POMZP3: variants seen among roughly 807,000 people sequenced by gnomAD.
POMZP3 encodes POM121 and ZP3 fusion protein.
A neutral mutation model predicts 19.8 loss-of-function variants in POMZP3; 10 were observed. The ratio of observed to expected loss-of-function variants is 0.51; its 90% CI spans 0.31 to 0.86. POMZP3 has a LOEUF of 0.86. Ranked by LOEUF, POMZP3 falls within the 40% of genes least tolerant of loss-of-function variation. The probability of loss-of-function intolerance (pLI) is 0.04; values close to 1 mark genes in which losing one functional copy is unlikely to be tolerated. For missense variants in POMZP3, 152 were observed against 228.1 expected (o/e 0.67, Z 2.15); for synonymous variants, 57 against 85.8 (o/e 0.66, Z 1.85).
intron 3 of POMZP3, 110 bp downstream of exon 3, chr7:76,625,412 T>G (rs1815821891): frequency 6.4e-7 from 1 of 1,560,586 alleles, no homozygotes; most frequent in Admixed American, 1.8e-5. Context: ...AGGAGGCCTA[T>G]GAAGGCTCAC....
chr7:76,625,350 AATGAT>A (rs1373942255), intron 3 of POMZP3, among the ~76,000 whole-genome samples, 167 bp downstream of exon 3: 34 of 151,826 alleles, frequency 2.2e-4, no homozygotes, highest in African/African-American at 6.8e-4. Context: ...TGTGCCTTGA[AATGAT>A]CAGCATTAAA....
chr7:76,622,713 T>C (rs1396441823), intron 3 of POMZP3, among the ~76,000 whole-genome samples: 2 of 151,748 alleles, frequency 1.3e-5, no homozygotes, highest in African/African-American at 4.8e-5. Context: ...TCTCACTCTG[T>C]TGTCCAGGCT....
At chr7:76,610,321 T>C in intron 6 of POMZP3, 106 bp from the exon 7 acceptor site, 1 of 1,131,812 alleles carries the variant, frequency 8.8e-7, no homozygotes, top group South Asian at 1.3e-5. Flanking sequence ...GTTGTCTTTT[T>C]TGTGTGGGCT....
intron 6 of POMZP3, among the ~76,000 whole-genome samples, chr7:76,611,139 G>T (rs1431811073): frequency 6.8e-6 from 1 of 146,918 alleles, no homozygotes; most frequent in East Asian, 2.0e-4. Flanking sequence ...CTCCCAAAGT[G>T]TTGGGATTAC....
chr7:76,623,933 T>C (rs1341506852), intron 3 of POMZP3, among the ~76,000 whole-genome samples: 1 of 148,462 alleles, frequency 6.7e-6, no homozygotes, highest in African/African-American at 2.5e-5. Flanking sequence ...TAAAGATTGT[T>C]TCAAAATATG....
At chr7:76,624,438 A>G (rs997383224) in intron 3 of POMZP3, among the ~76,000 whole-genome samples, 3 of 132,660 alleles carry the variant, frequency 2.3e-5, no homozygotes, top group Non-Finnish European at 4.8e-5. Flanking sequence ...GTTATTTTAC[A>G]AACCACATAA....
chr7:76,627,257 G>A lies in POMZP3; in HGVS notation c.-701C>T. 1.6e-5 allele frequency: 22 copies of A among 1,360,784 alleles called. 4 individuals are homozygous for A. The Admixed American group carries it at 4.9e-4, about 30-fold the overall frequency. 84.3% of individuals were successfully genotyped at this position (1,360,784 alleles called of 1,614,324 possible). ...CGCCGCAGCCGCCGGAGACATCGCGGCTCCGCGCCGCGGAGGAGACTTAAA... is the reference window on the plus strand; with the variant it reads ...CGCCGCAGCCGCCGGAGACATCGCGACTCCGCGCCGCGGAGGAGACTTAAA... On this transcript the variant is annotated 5_prime_UTR_variant, in exon 1 of 7. Transcript: ENST00000310842.
chr7:76,625,947 A>G, intron 2 of POMZP3, 53 bp downstream of exon 2: 1 of 1,606,308 alleles, frequency 6.2e-7, no homozygotes, highest in Non-Finnish European at 8.5e-7. Flanking sequence ...ACAACTGGAG[A>G]AGAATAAAGT....
At chr7:76,616,345 T>G (rs369621104) in intron 4 of POMZP3, among the ~76,000 whole-genome samples, 1 of 102,418 alleles carries the variant, frequency 9.8e-6, no homozygotes, top group African/African-American at 3.9e-5. Context: ...GTTCATAGAG[T>G]TTTACAGCAA....
At chr7:76,620,861 ATT>A (rs56084078) in intron 3 of POMZP3, among the ~76,000 whole-genome samples, 5 of 76,196 alleles carry the variant, frequency 6.6e-5, no homozygotes, top group African/African-American at 2.0e-4. Flanking sequence ...CTGTAAAGCC[ATT>A]TTTTTTTTTT....
Position 76,626,165 on chromosome 7 carries a change from T to G in POMZP3, c.-101A>C. 2 of 1,597,502 alleles carry G rather than the reference T, an allele frequency of 1.3e-6. No homozygotes were observed. Among genetic ancestry groups the G allele is most frequent in the South Asian group, 2.2e-5 (2 of 89,264 alleles). ...GGAATACTGGGCCTGATGGATCGGA[T>G]AGCGTCTTCGAGGTGTTATTACAAA... is the stretch of plus-strand genomic sequence containing the variant. On this transcript the variant is annotated 5_prime_UTR_variant, in exon 2 of 7. Coordinates refer to ENST00000310842, the MANE Select transcript of POMZP3 (RefSeq NM_012230.5).
rs1230832372 is a variant in POMZP3, at chr7:76,610,943, C to T, written c.*11+511G>A. Among the ~76,000 whole-genome samples, 4 of 143,574 alleles carry T rather than the reference C, an allele frequency of 2.8e-5. No individual in the cohort carries two copies. The East Asian group carries it at 6.2e-4, about 22-fold the overall frequency. 94.2% of individuals were successfully genotyped at this position (143,574 alleles called of 152,430 possible). The stretch of plus-strand genomic sequence containing the variant: ...AGGCTGGAGTACAATGGTGCAATCT[C>T]GGCTCACTGCAACCTCTGCCTCCCA... On this transcript the variant is annotated intron_variant, in intron 6 of 6. Transcript: ENST00000310842.
chr7:76,620,083 G>A (rs62475937), intron 3 of POMZP3, among the ~76,000 whole-genome samples: 1,567 of 64,506 alleles, frequency 0.024, 30 homozygotes, highest in East Asian at 0.049. Context: ...GGGAGGCCGA[G>A]GCGGGCGGAT....
intron 1 of POMZP3, 53 bp downstream of exon 1, chr7:76,626,655 G>C (rs188940588): frequency 5.6e-5 from 76 of 1,363,218 alleles, no homozygotes; most frequent in Non-Finnish European, 7.2e-5. Flanking sequence ...AAAAGTCCTC[G>C]ATTTCAAGCC....
chr7:76,625,293 T>G (rs1392211882), intron 3 of POMZP3, among the ~76,000 whole-genome samples: 1 of 151,010 alleles, frequency 6.6e-6, no homozygotes, highest in Non-Finnish European at 1.5e-5. Flanking sequence ...GCTGTCAGCT[T>G]ATCTCTGCTA....
intron 3 of POMZP3, among the ~76,000 whole-genome samples, chr7:76,622,450 C>G (rs544974176): frequency 7.3e-6 from 1 of 136,592 alleles, no homozygotes; most frequent in Admixed American, 7.4e-5. Context: ...ACGATCTCAG[C>G]TCACTGCAAC....
At chr7:76,624,935 A>G (rs1021616456) in intron 3 of POMZP3, among the ~76,000 whole-genome samples, 1 of 151,350 alleles carries the variant, frequency 6.6e-6, no homozygotes, top group African/African-American at 2.4e-5. Context: ...GTTCGAGACC[A>G]TCCTGGCCAA....
Position 76,617,261 on chromosome 7 carries a change from A to C in POMZP3, c.345+922T>G, listed in dbSNP as rs572082308. ...GATTATGGGCACGAGCCACCGCACC[A>C]GGCAATTTACTTCTAACCACTTCTA... is the stretch of plus-strand genomic sequence containing the variant. On this transcript the variant is annotated intron_variant, in intron 4 of 6. Transcript: ENST00000310842. Among the ~76,000 whole-genome samples the C allele has an allele frequency of 1.9e-4, 16 of 83,598 alleles. 5 individuals are homozygous for C. The highest frequency in any genetic ancestry group is 3.7e-4 in the Non-Finnish European group (16 of 43,388). 54.8% of individuals were successfully genotyped at this position (83,598 alleles called of 152,430 possible). A position where few individuals can be genotyped will look rare whatever the true frequency, so the allele number is the denominator to read the frequency against.
At chr7:76,615,455 A>G (rs1342337695) in intron 4 of POMZP3, 1 of 86,512 alleles carries the variant, frequency 1.2e-5, no homozygotes, top group Non-Finnish European at 2.3e-5. Flanking sequence ...TTGCTACCCT[A>G]CTGATCTGTG....
Sources: allele counts gnomAD v4.1 joint callset (sites outside exome capture counted in the v4.1 genomes callset), GRCh38; gene constraint gnomAD v4.1.1; transcripts MANE v1.5; gene names NCBI Gene and HGNC (gene_info 2026-07-23, HGNC 2026-07-21).